SLC31A2: variants seen among roughly 807,000 people sequenced by gnomAD.
SLC31A2 encodes solute carrier family 31 member 2.
Under a neutral mutation model 14.4 loss-of-function variants are expected in SLC31A2, and 16 were observed. That is an observed-to-expected ratio of 1.11 (90% CI 0.75 to 1.69). The LOEUF (loss-of-function observed/expected upper bound fraction) is 1.69, where lower values mean the gene tolerates loss of function less well. SLC31A2 is among the 40% of genes most tolerant of loss of function. The probability of loss-of-function intolerance (pLI) is 0.00; values close to 1 mark genes in which losing one functional copy is unlikely to be tolerated. For synonymous variants in SLC31A2, 56 were observed against 68.7 expected (o/e 0.82, Z 0.91); for missense variants, 140 against 173.9 (o/e 0.81, Z 1.10).
chr9:113,155,780 A>T (rs1228149946), intron 1 of SLC31A2, among the ~76,000 whole-genome samples: 1 of 5,088 alleles, frequency 2.0e-4, no homozygotes, highest in Admixed American at 2.8e-3. Context: ...CATGTATGGG[A>T]AAAAAAGGCA....
At chr9:113,156,560 G>T (rs558316132) in intron 1 of SLC31A2, among the ~76,000 whole-genome samples, 1 of 152,218 alleles carries the variant, frequency 6.6e-6, no homozygotes, top group Non-Finnish European at 1.5e-5. Flanking sequence ...TTTGGCCATT[G>T]TCTTAGAAGG....
In SLC31A2 at chr9:113,152,813, T is replaced by A. The variant is rs529555571; in HGVS notation, c.6+1733T>A. On this transcript the variant is annotated intron_variant, in intron 1 of 3. Coordinates refer to ENST00000259392, the MANE Select transcript of SLC31A2 (RefSeq NM_001860.3). ...GTGTTCAGGTCTATGGCAAAACATG[T>A]CTGGGCTGTTTTGGGCTCCTAAGAT... Among the ~76,000 whole-genome samples the A allele has an allele frequency of 1.1e-4, 17 of 152,374 alleles. No individual in the cohort carries two copies. In the South Asian group the frequency reaches 2.3e-3, roughly 20 times the overall value.
intron 1 of SLC31A2, chr9:113,156,059 A>G (rs771973318): frequency 1.9e-6 from 1 of 518,930 alleles, no homozygotes; most frequent in Non-Finnish European, 3.8e-6. Flanking sequence ...TCTGGTTTCC[A>G]GGAGGCTACA....
chr9:113,161,998 C>A, intron 3 of SLC31A2: 1 of 475,680 alleles, frequency 2.1e-6, no homozygotes, highest in Non-Finnish European at 3.9e-6. Flanking sequence ...CACCCTCCCC[C>A]AAATCTCACC....
intron 2 of SLC31A2, 51 bp from the exon 3 acceptor site, chr9:113,161,458 G>A: frequency 6.4e-7 from 1 of 1,553,752 alleles, no homozygotes; most frequent in Admixed American, 1.8e-5. Context: ...GTGCTGGAAG[G>A]GAAACAGTGC....
At chr9:113,155,930 GACT>G in intron 1 of SLC31A2, 1 of 420,690 alleles carries the variant, frequency 2.4e-6, no homozygotes, top group South Asian at 1.7e-5. Context: ...CCTGGACTCA[GACT>G]ACTATTCTTT....
chr9:113,163,181 C>T lies in SLC31A2; in HGVS notation c.*264C>T, dbSNP rs1830045340. 1 of 288,442 alleles carries T rather than the reference C, an allele frequency of 3.5e-6. No homozygotes were observed. The highest frequency in any genetic ancestry group is 5.1e-5 in the Admixed American group (1 of 19,556). The allele number at this position is 288,442 out of a possible 1,614,324, so 17.9% of individuals were successfully genotyped here. ...GTGACCAAAGGGAGAATGGAGATAA[C>T]AGGGGTGGCAGGGTTACTGAGCCCA... On this transcript the variant is annotated 3_prime_UTR_variant, in exon 4 of 4. Coordinates refer to ENST00000259392, the MANE Select transcript of SLC31A2 (RefSeq NM_001860.3).
At chr9:113,156,111 A>T (rs1190759068) in intron 1 of SLC31A2, 1 of 518,608 alleles carries the variant, frequency 1.9e-6, no homozygotes, top group African/African-American at 1.9e-5. Context: ...ATGGCAGCTA[A>T]TCAAATCTGC....
intron 1 of SLC31A2, among the ~76,000 whole-genome samples, chr9:113,155,701 T>C (rs1253451440): frequency 6.6e-6 from 1 of 152,122 alleles, no homozygotes; most frequent in Non-Finnish European, 1.5e-5. Context: ...AATCCATTTT[T>C]CCCAGTACCT....
At chr9:113,157,152 AAGGTCAG>A (rs1481729063) in intron 1 of SLC31A2, among the ~76,000 whole-genome samples, 1 of 152,228 alleles carries the variant, frequency 6.6e-6, no homozygotes, top group African/African-American at 2.4e-5. Flanking sequence ...TGAACTCACC[AAGGTCAG>A]AGACATTAAC....
In SLC31A2 at chr9:113,151,010, C is replaced by A; in HGVS notation, c.-65C>A. 7.8e-7 allele frequency: 1 copy of A among 1,289,728 alleles called. No homozygotes were observed. Among genetic ancestry groups the A allele is most frequent in the Non-Finnish European group, 9.9e-7 (1 of 1,014,546 alleles). 79.9% of individuals were successfully genotyped at this position (1,289,728 alleles called of 1,614,324 possible). Reference sequence around the variant, plus strand: ...GGCGGCGGCGGCGGCGGCGGTTGAACTGACTCGGAGCGAGGAGACCCGAGC... The same window carrying A: ...GGCGGCGGCGGCGGCGGCGGTTGAAATGACTCGGAGCGAGGAGACCCGAGC... On this transcript the variant is annotated 5_prime_UTR_variant, in exon 1 of 4. The change creates a new upstream start codon in the 5' untranslated region. Transcript: ENST00000259392. The surrounding 1 kb of genome is among the most constrained non-coding windows in gnomAD (Gnocchi z 4.2).
intron 1 of SLC31A2, chr9:113,152,395 A>G (rs1038770587): frequency 2.0e-5 from 3 of 152,300 alleles, no homozygotes; most frequent in Admixed American, 6.5e-5. Flanking sequence ...CAAAAAGGCA[A>G]AAGTAGAAAG....
At position 113,163,117 on chromosome 9, in the gene SLC31A2, T is replaced by C. The variant is rs972504786; in HGVS notation, c.*200T>C. On this transcript the variant is annotated 3_prime_UTR_variant, in exon 4 of 4. Transcript: ENST00000259392. ...AACCTTCCTTCTCAGCCAGCCTACG[T>C]AGGGCCCAGGCATGGTCTTGTGTCT... 29 of 488,144 alleles carry C rather than the reference T, an allele frequency of 5.9e-5. No individual in the cohort carries two copies. The highest frequency in any genetic ancestry group is 8.7e-5 in the Non-Finnish European group (24 of 276,404). The allele number at this position is 488,144 out of a possible 1,614,324, so 30.2% of individuals were successfully genotyped here. A position where few individuals can be genotyped will look rare whatever the true frequency, so the allele number is the denominator to read the frequency against.
chr9:113,153,881 GTC>G (rs1207648753), intron 1 of SLC31A2, among the ~76,000 whole-genome samples: 1 of 152,074 alleles, frequency 6.6e-6, no homozygotes, highest in African/African-American at 2.4e-5. Context: ...TTAGTCCCAG[GTC>G]TCTACCAAAC....
intron 2 of SLC31A2, among the ~76,000 whole-genome samples, chr9:113,159,627 G>T (rs2118833690): frequency 6.6e-6 from 1 of 152,278 alleles, no homozygotes; most frequent in South Asian, 2.1e-4. Flanking sequence ...CTTTCCCTCA[G>T]TGACAACTTT....
intron 1 of SLC31A2, among the ~76,000 whole-genome samples, chr9:113,156,915 C>T (rs1829941213): frequency 6.6e-6 from 1 of 152,180 alleles, no homozygotes. Context: ...GCTTTGTGAC[C>T]ACCAGTAAAT....
At chr9:113,159,554 G>GA (rs887613344) in intron 2 of SLC31A2, among the ~76,000 whole-genome samples, 11 of 151,962 alleles carry the variant, frequency 7.2e-5, no homozygotes, top group South Asian at 6.2e-4. Flanking sequence ...GAGCCTGTGG[G>GA]AAAAAAAACC....
rs546650378 is a variant in SLC31A2 at position 113,158,190 on chromosome 9, A to C, written c.73+397A>C. 5 of 423,142 alleles carry C rather than the reference A, an allele frequency of 1.2e-5. No homozygotes were observed. In the East Asian group the frequency reaches 3.6e-4, roughly 30 times the overall value. The allele number at this position is 423,142 out of a possible 1,614,324, so 26.2% of individuals were successfully genotyped here. On this transcript the variant is annotated intron_variant, in intron 2 of 3. Transcript: ENST00000259392. Reference sequence around the variant, plus strand: ...GGCTCATTGTTCTGCACCAGTTCAGAAGCCCACAGCAGCTGCTGGAGATGA... The same window carrying C: ...GGCTCATTGTTCTGCACCAGTTCAGCAGCCCACAGCAGCTGCTGGAGATGA...
intron 2 of SLC31A2, among the ~76,000 whole-genome samples, chr9:113,158,800 C>T (rs1399223084): frequency 1.3e-5 from 2 of 152,098 alleles, no homozygotes; most frequent in African/African-American, 4.8e-5. Context: ...GAAGCAGTCA[C>T]GAAGGTCTTC....
Sources: gnomAD v4.1 joint callset for allele counts (sites outside exome capture counted in the v4.1 genomes callset) on GRCh38, gnomAD v4.1.1 for gene constraint, Gnocchi (gnomAD v3.1) non-coding constraint, MANE v1.5 for transcripts, NCBI Gene and HGNC (gene_info 2026-07-23, HGNC 2026-07-21) for gene names.